Variants in DCAF8L2 observed in about 807,000 individuals in gnomAD.
The protein encoded by DCAF8L2 is DDB1 and CUL4 associated factor 8 like 2, also known as DDB1- and CUL4-associated factor 8-like protein 2.
For synonymous variants in DCAF8L2, 200 were observed against 190.9 expected, an observed-to-expected ratio of 1.05 and a Z score of -0.39; for missense variants, 430 against 490.7, an observed-to-expected ratio of 0.88 and a Z score of 1.17.
At chrX:27,645,059 A>G (rs772394575) in intron 2 of DCAF8L2, among the ~76,000 whole-genome samples, 2 of 111,962 alleles carry the variant, frequency 1.8e-5, no homozygotes, top group African/African-American at 6.5e-5. Context: ...CCCGCCCCCT[A>G]ACTCATTTTA....
chrX:27,748,219 AATG>A lies in DCAF8L2; in HGVS notation c.1329_1331del (p.Asp445del). 9 of 1,212,054 alleles carry A rather than the reference AATG, an allele frequency of 7.4e-6. No homozygotes were observed. Among genetic ancestry groups the A allele is most frequent in the Non-Finnish European group, 8.9e-6 (8 of 895,543 alleles). On this transcript the variant is annotated inframe_deletion, in exon 5 of 5. Coordinates refer to ENST00000451261, the MANE Select transcript of DCAF8L2 (RefSeq NM_001353450.2). Reference sequence around the variant, plus strand: ...TGGCACAGAGCTGCTAGCCAGCTACAATGATGACGATATTTACCTCTTCAACTC... The same window carrying A: ...TGGCACAGAGCTGCTAGCCAGCTACAATGACGATATTTACCTCTTCAACTC...
At chrX:27,702,874 A>T (rs1465508315) in intron 3 of DCAF8L2, among the ~76,000 whole-genome samples, 1 of 111,498 alleles carries the variant, frequency 9.0e-6, no homozygotes, top group Non-Finnish European at 1.9e-5. Flanking sequence ...AAAAATAGAT[A>T]AAAATATTTC....
chrX:27,487,374 C>T, the DCAF8L2 span, among the ~76,000 whole-genome samples: 4 of 111,771 alleles, frequency 3.6e-5, no homozygotes, highest in Admixed American at 9.5e-5. Flanking sequence ...CTCTGCCTCC[C>T]GGGTTCAAGC....
chrX:27,696,864 G>C (rs1930946482), intron 3 of DCAF8L2, among the ~76,000 whole-genome samples: 1 of 111,298 alleles, frequency 9.0e-6, no homozygotes, highest in Non-Finnish European at 1.9e-5. Flanking sequence ...CACTTAGAGG[G>C]AAGTTGGAAA....
At chrX:27,524,203 C>T in the DCAF8L2 span, among the ~76,000 whole-genome samples, 1 of 111,627 alleles carries the variant, frequency 9.0e-6, no homozygotes, top group Non-Finnish European at 1.9e-5. Context: ...GCCTCAATTT[C>T]AGAGCCTGTT....
intron 4 of DCAF8L2, among the ~76,000 whole-genome samples, chrX:27,725,677 C>T (rs1932047057): frequency 9.2e-6 from 1 of 108,903 alleles, no homozygotes; most frequent in Admixed American, 9.9e-5. Context: ...TAATTGAACA[C>T]ATATAAGAGG....
At chrX:27,542,732 C>T in the DCAF8L2 span, among the ~76,000 whole-genome samples, 2 of 107,324 alleles carry the variant, frequency 1.9e-5, no homozygotes, top group Non-Finnish European at 3.9e-5. Context: ...TTAGTAGAGA[C>T]GGGGTTTCAC....
intron 3 of DCAF8L2, among the ~76,000 whole-genome samples, chrX:27,714,530 G>C (rs73534386): frequency 0.048 from 5,383 of 111,560 alleles, 312 homozygotes; most frequent in African/African-American, 0.17. Context: ...GTTTAGTAGA[G>C]AAATGTTTAT....
At chrX:27,679,503 T>C (rs1472670197) in intron 3 of DCAF8L2, among the ~76,000 whole-genome samples, 2 of 111,037 alleles carry the variant, frequency 1.8e-5, no homozygotes, top group African/African-American at 6.5e-5. Context: ...ATTTAAGAGC[T>C]TCTGAGTATA....
chrX:27,490,993 A>G, the DCAF8L2 span, among the ~76,000 whole-genome samples: 1 of 111,982 alleles, frequency 8.9e-6, no homozygotes, highest in African/African-American at 3.2e-5. Context: ...AATAATCTTC[A>G]TATAGCCTGG....
chrX:27,615,643 T>C (rs1464991017), intron 1 of DCAF8L2, among the ~76,000 whole-genome samples: 2 of 111,120 alleles, frequency 1.8e-5, no homozygotes, highest in East Asian at 5.6e-4. Flanking sequence ...AAGTCTGCAT[T>C]ATATGCTAAC....
intron 2 of DCAF8L2, among the ~76,000 whole-genome samples, chrX:27,645,341 G>A (rs924596781): frequency 3.6e-5 from 4 of 111,440 alleles, no homozygotes; most frequent in African/African-American, 1.3e-4. Context: ...CTCAATAGAC[G>A]CAGAAAAGGC....
At chrX:27,617,246 T>A (rs1221865764) in intron 1 of DCAF8L2, among the ~76,000 whole-genome samples, 1 of 111,216 alleles carries the variant, frequency 9.0e-6, no homozygotes, top group Non-Finnish European at 1.9e-5. Flanking sequence ...TATAAATATA[T>A]AGATATTTAG....
intron 1 of DCAF8L2, among the ~76,000 whole-genome samples, chrX:27,631,275 T>A (rs1316957096): frequency 2.7e-5 from 3 of 111,954 alleles, no homozygotes; most frequent in Non-Finnish European, 5.6e-5. Context: ...GATGACAAGC[T>A]GAAATCTAAC....
chrX:27,560,047 C>T, the DCAF8L2 span, among the ~76,000 whole-genome samples: 3,153 of 110,241 alleles, frequency 0.029, 109 homozygotes, highest in African/African-American at 0.098. Context: ...GCAGGTGGAT[C>T]ACGAGGTCAG....
At chrX:27,649,679 C>T (rs1929077933) in intron 2 of DCAF8L2, among the ~76,000 whole-genome samples, 1 of 111,318 alleles carries the variant, frequency 9.0e-6, no homozygotes, top group Admixed American at 9.6e-5. Flanking sequence ...ATATTAAGTT[C>T]CTAATGGATT....
chrX:27,660,310 C>T (rs1408269546), intron 2 of DCAF8L2, among the ~76,000 whole-genome samples: 1 of 112,233 alleles, frequency 8.9e-6, no homozygotes, highest in Non-Finnish European at 1.9e-5. Flanking sequence ...AGGTGTGAGC[C>T]ACCATGCCCA....
At chrX:27,612,150 T>C (rs916180369) in intron 1 of DCAF8L2, among the ~76,000 whole-genome samples, 15 of 111,630 alleles carry the variant, frequency 1.3e-4, no homozygotes, top group African/African-American at 3.9e-4. Context: ...TGGCGTGAGA[T>C]GGTATCTCAT....
intron 1 of DCAF8L2, among the ~76,000 whole-genome samples, chrX:27,631,184 A>G (rs1928273985): frequency 8.9e-6 from 1 of 111,977 alleles, no homozygotes; most frequent in African/African-American, 3.2e-5. Flanking sequence ...AGCATTGGAA[A>G]TAATTTAACA....
Sources: gnomAD v4.1 joint callset for allele counts (sites outside exome capture counted in the v4.1 genomes callset) on GRCh38, gnomAD v4.1.1 for gene constraint, MANE v1.5 for transcripts, NCBI Gene and HGNC (gene_info 2026-07-23, HGNC 2026-07-21) for gene names.